The following PRPF18 variants were observed in gnomAD, a reference collection of about 807,000 sequenced individuals.
PRPF18 encodes pre-mRNA-splicing factor 18.
Under a neutral mutation model 46.5 loss-of-function variants are expected in PRPF18, and 38 were observed. The observed-to-expected ratio is 0.82, with a 90% confidence interval of 0.63 to 1.07. The LOEUF (loss-of-function observed/expected upper bound fraction) is 1.07, where lower values mean the gene tolerates loss of function less well. Among genes scored for constraint, PRPF18 ranks in the 50% least tolerant of loss-of-function variants. The probability of loss-of-function intolerance (pLI) is 0.00; values close to 1 mark genes in which losing one functional copy is unlikely to be tolerated. For missense variants in PRPF18, 263 were observed against 410.0 expected (o/e 0.64, Z 3.10); for synonymous variants, 152 against 146.7 (o/e 1.04, Z -0.26).
intron 9 of PRPF18, among the ~76,000 whole-genome samples, chr10:13,618,772 C>G (rs2080383284): frequency 6.6e-6 from 1 of 152,046 alleles, no homozygotes. Flanking sequence ...AGAACAATAT[C>G]TGACTCATGG....
chr10:13,604,949 G>T (rs755903573), intron 3 of PRPF18, among the ~76,000 whole-genome samples: 9 of 152,030 alleles, frequency 5.9e-5, no homozygotes, highest in African/African-American at 1.2e-4. Flanking sequence ...TTACAAAAAA[G>T]AATTTTTTAA....
At chr10:13,603,705 G>A (rs1589124238) in intron 3 of PRPF18, among the ~76,000 whole-genome samples, 1 of 152,160 alleles carries the variant, frequency 6.6e-6, no homozygotes. Context: ...GAAATAAAGC[G>A]TCTAGATCAA....
At chr10:13,622,444 A>G (rs991768202) in intron 9 of PRPF18, among the ~76,000 whole-genome samples, 5 of 152,206 alleles carry the variant, frequency 3.3e-5, no homozygotes, top group African/African-American at 1.2e-4. Context: ...CACGGTTGGA[A>G]AAAAAGCCAG....
intron 5 of PRPF18, among the ~76,000 whole-genome samples, chr10:13,610,397 A>G (rs559100778): frequency 6.6e-6 from 1 of 152,244 alleles, no homozygotes; most frequent in African/African-American, 2.4e-5. Flanking sequence ...CCATTCTAAT[A>G]TGTTGGATAT....
chr10:13,602,948 G>A (rs2080133933), intron 3 of PRPF18, among the ~76,000 whole-genome samples: 1 of 152,236 alleles, frequency 6.6e-6, no homozygotes, highest in Non-Finnish European at 1.5e-5. Flanking sequence ...GGCCTGGCTG[G>A]TCTTGAATTC....
chr10:13,617,103 T>A (rs1385840309), intron 9 of PRPF18, among the ~76,000 whole-genome samples: 3 of 152,234 alleles, frequency 2.0e-5, no homozygotes, highest in Non-Finnish European at 2.9e-5. Flanking sequence ...GTTGGTACTG[T>A]TTTTGGGCTA....
chr10:13,623,796 T>A (rs2080455510), intron 9 of PRPF18, among the ~76,000 whole-genome samples: 1 of 152,212 alleles, frequency 6.6e-6, no homozygotes, highest in African/African-American at 2.4e-5. Context: ...TCTCCGGATA[T>A]AAAGAACTTT....
At chr10:13,605,349 C>T (rs1049584123) in intron 3 of PRPF18, among the ~76,000 whole-genome samples, 20 of 151,910 alleles carry the variant, frequency 1.3e-4, no homozygotes, top group African/African-American at 2.2e-4. Context: ...TTTGGGAGCC[C>T]GAGGCAGGCG....
intron 9 of PRPF18, among the ~76,000 whole-genome samples, chr10:13,624,258 G>A (rs542002263): frequency 5.3e-5 from 8 of 152,324 alleles, no homozygotes; most frequent in Non-Finnish European, 8.8e-5. Context: ...GATTACAGGC[G>A]TGAGCCACCG....
chr10:13,595,307 G>C (rs2080017735), intron 1 of PRPF18, among the ~76,000 whole-genome samples: 3 of 152,228 alleles, frequency 2.0e-5, no homozygotes, highest in African/African-American at 7.2e-5. Flanking sequence ...TTTGTTAGGT[G>C]TGTTCAATGG....
At chr10:13,651,786 A>G in the PRPF18 span, 5 of 684,192 alleles carry the variant, frequency 7.3e-6, no homozygotes, top group South Asian at 8.4e-5. Context: ...GTATCTAGAA[A>G]TAAGGCATAA....
chr10:13,608,603 A>G (rs562563904), intron 4 of PRPF18, among the ~76,000 whole-genome samples: 9 of 152,350 alleles, frequency 5.9e-5, no homozygotes, highest in African/African-American at 2.2e-4. Flanking sequence ...TTCAGTGACC[A>G]CATCTTCTCT....
downstream of PRPF18, among the ~76,000 whole-genome samples, chr10:13,634,586 C>T (rs928112081): frequency 6.6e-6 from 1 of 152,184 alleles, no homozygotes; most frequent in Non-Finnish European, 1.5e-5. Context: ...GCAGTCTGTG[C>T]AGTCTGCGCC....
At chr10:13,590,948 A>C (rs114531192) in intron 1 of PRPF18, among the ~76,000 whole-genome samples, 1 of 152,216 alleles carries the variant, frequency 6.6e-6, no homozygotes, top group African/African-American at 2.4e-5. Context: ...TTAGACTAAC[A>C]TGATTTATAT....
intron 9 of PRPF18, 124 bp downstream of exon 9, chr10:13,616,677 C>T: frequency 7.9e-7 from 1 of 1,264,158 alleles, no homozygotes; most frequent in Non-Finnish European, 1.1e-6. Context: ...GGATGGAAGT[C>T]CCCTCTGGAT....
the PRPF18 span, among the ~76,000 whole-genome samples, chr10:13,649,944 A>AACTGTGACCCAG: frequency 3.9e-5 from 6 of 152,330 alleles, no homozygotes; most frequent in South Asian, 6.2e-4. Flanking sequence ...GTGCTCTCTC[A>AACTGTGACCCAG]ACTGTGACCC....
intron 5 of PRPF18, 114 bp from the exon 6 acceptor site, chr10:13,611,501 T>G: frequency 1.3e-6 from 1 of 792,136 alleles, no homozygotes; most frequent in Non-Finnish European, 2.0e-6. Context: ...GATTTTTAAG[T>G]AAAAATTGAA....
intron 2 of PRPF18, 194 bp downstream of exon 2, chr10:13,597,729 A>G: frequency 6.9e-7 from 1 of 1,455,932 alleles, no homozygotes; most frequent in South Asian, 1.2e-5. Flanking sequence ...AAATACATGC[A>G]TGACTTTTGG....
intron 9 of PRPF18, among the ~76,000 whole-genome samples, chr10:13,627,013 C>T (rs924983719): frequency 6.6e-6 from 1 of 152,154 alleles, no homozygotes; most frequent in East Asian, 1.9e-4. Flanking sequence ...AGTGTCTTCT[C>T]TCTGGTCCCT....
Sources: gnomAD v4.1 joint callset for allele counts (sites outside exome capture counted in the v4.1 genomes callset) on GRCh38, gnomAD v4.1.1 for gene constraint, MANE v1.5 for transcripts, NCBI Gene and HGNC (gene_info 2026-07-23, HGNC 2026-07-21) for gene names.